The following LHFPL3 variants were observed in gnomAD, a reference collection of about 807,000 sequenced individuals.
LHFPL3 encodes LHFPL tetraspan subfamily member 3.
Under a neutral mutation model 19.3 loss-of-function variants are expected in LHFPL3, and 5 were observed. That is an observed-to-expected ratio of 0.26 (90% CI 0.14 to 0.54). LHFPL3 has a LOEUF of 0.54. Among genes scored for constraint, LHFPL3 ranks in the 20% least tolerant of loss-of-function variants. LHFPL3 has a pLI of 0.94. For missense variants in LHFPL3, 249 were observed against 307.4 expected (o/e 0.81, Z 1.42); for synonymous variants, 133 against 126.2 (o/e 1.05, Z -0.36).
intron 2 of LHFPL3, among the ~76,000 whole-genome samples, chr7:104,888,498 C>A (rs766995561): frequency 9.9e-5 from 15 of 152,198 alleles, no homozygotes; most frequent in Non-Finnish European, 1.9e-4. Flanking sequence ...CCACTGCACT[C>A]CTGCCAGGGT....
intron 1 of LHFPL3, among the ~76,000 whole-genome samples, chr7:104,561,192 T>A (rs1285777659): frequency 2.6e-5 from 4 of 151,692 alleles, no homozygotes; most frequent in Non-Finnish European, 5.9e-5. Flanking sequence ...TAATTGTCTA[T>A]TAGGTCCGCT....
At chr7:104,369,869 T>C (rs1385888284) in intron 1 of LHFPL3, among the ~76,000 whole-genome samples, 2 of 152,224 alleles carry the variant, frequency 1.3e-5, no homozygotes, top group Non-Finnish European at 2.9e-5. Flanking sequence ...TGGCTTATTT[T>C]TGAGTTATAA....
chr7:104,349,468 G>A (rs1037700387), intron 1 of LHFPL3, among the ~76,000 whole-genome samples: 1 of 152,190 alleles, frequency 6.6e-6, no homozygotes, highest in African/African-American at 2.4e-5. Flanking sequence ...ATACAAGGGA[G>A]CCCTTTTATG....
chr7:104,732,398 C>T (rs1793721873), intron 1 of LHFPL3, among the ~76,000 whole-genome samples: 1 of 152,168 alleles, frequency 6.6e-6, no homozygotes. Context: ...GCCTCAATGA[C>T]AGAGCCTGTT....
intron 2 of LHFPL3, chr7:104,759,640 C>T (rs1403491804): frequency 1.3e-5 from 2 of 152,072 alleles, no homozygotes; most frequent in Admixed American, 6.6e-5. Flanking sequence ...CAACTTTCAC[C>T]GAGTAATGTC....
At chr7:104,593,500 A>T (rs1790771667) in intron 1 of LHFPL3, among the ~76,000 whole-genome samples, 1 of 152,142 alleles carries the variant, frequency 6.6e-6, no homozygotes, top group South Asian at 2.1e-4. Context: ...TGGTGCCGAG[A>T]AGAATGTATA....
At chr7:104,524,442 G>A (rs1031088850) in intron 1 of LHFPL3, among the ~76,000 whole-genome samples, 2 of 152,076 alleles carry the variant, frequency 1.3e-5, no homozygotes, top group Non-Finnish European at 2.9e-5. Context: ...CAAGTGGACC[G>A]GCTGGTACTA....
intron 2 of LHFPL3, chr7:104,743,994 C>T (rs1339799242): frequency 6.6e-6 from 1 of 151,788 alleles, no homozygotes; most frequent in Admixed American, 6.6e-5. Flanking sequence ...CACACCACCA[C>T]ACCCTGCAAA....
chr7:104,879,913 G>T (rs78757293), intron 2 of LHFPL3, among the ~76,000 whole-genome samples: 1 of 152,162 alleles, frequency 6.6e-6, no homozygotes, highest in Non-Finnish European at 1.5e-5. Context: ...GCTTCAAAGA[G>T]CCAGGTGTGA....
intron 2 of LHFPL3, among the ~76,000 whole-genome samples, chr7:104,886,516 C>T (rs987672422): frequency 5.9e-5 from 9 of 152,108 alleles, no homozygotes; most frequent in African/African-American, 2.2e-4. Context: ...AGGCGCCCAC[C>T]ACCACACCTG....
rs181794213 is a variant in LHFPL3, at chr7:104,833,945, T to C, written c.683-72242T>C. On this transcript the variant is annotated intron_variant, in intron 2 of 2. Transcript: ENST00000424859. ...CTTACATGATCACAAGTTCCCACAATAGGCTGTCTGCAAGCTTGAGGAGTA... is the reference window on the plus strand; with the variant it reads ...CTTACATGATCACAAGTTCCCACAACAGGCTGTCTGCAAGCTTGAGGAGTA... Among the ~76,000 whole-genome samples the C allele has an allele frequency of 9.3e-4, 124 of 133,868 alleles. 3 individuals are homozygous for C. Among genetic ancestry groups the C allele is most frequent in the East Asian group, 3.6e-3 (15 of 4,160 alleles). The allele number at this position is 133,868 out of a possible 152,430, so 87.8% of individuals were successfully genotyped here.
intron 1 of LHFPL3, among the ~76,000 whole-genome samples, chr7:104,650,490 G>A (rs573844374): frequency 6.6e-6 from 1 of 152,294 alleles, no homozygotes; most frequent in African/African-American, 2.4e-5. Flanking sequence ...CTTAATGAAT[G>A]AGGAATATTA....
chr7:104,422,842 G>A (rs1275624148), intron 1 of LHFPL3, among the ~76,000 whole-genome samples: 4 of 152,198 alleles, frequency 2.6e-5, no homozygotes, highest in Admixed American at 1.3e-4. Flanking sequence ...CATATATTGG[G>A]AATTCAGAGA....
intron 2 of LHFPL3, among the ~76,000 whole-genome samples, chr7:104,905,032 C>T (rs935378542): frequency 6.6e-6 from 1 of 151,996 alleles, no homozygotes; most frequent in Non-Finnish European, 1.5e-5. Context: ...CTTTGCTCAC[C>T]ACAACCTCGA....
At chr7:104,825,823 G>A (rs1790806713) in intron 2 of LHFPL3, among the ~76,000 whole-genome samples, 1 of 151,830 alleles carries the variant, frequency 6.6e-6, no homozygotes. Flanking sequence ...GAAGAGGGAA[G>A]GAGAAAAAGC....
At chr7:104,783,329 T>C (rs994503176) in intron 2 of LHFPL3, among the ~76,000 whole-genome samples, 6 of 152,244 alleles carry the variant, frequency 3.9e-5, no homozygotes, top group Non-Finnish European at 4.4e-5. Context: ...TCTCACAGTA[T>C]AGTACAAATG....
intron 1 of LHFPL3, among the ~76,000 whole-genome samples, chr7:104,382,362 C>T (rs983239942): frequency 6.6e-6 from 1 of 152,162 alleles, no homozygotes; most frequent in South Asian, 2.1e-4. Context: ...GTGGCGCATG[C>T]CTGTAATCCC....
rs186890013 is a variant in LHFPL3 at position 104,366,201 on chromosome 7, G to A, written c.445+36977G>A. Among the ~76,000 whole-genome samples the A allele has an allele frequency of 8.7e-4, 132 of 152,274 alleles. 1 individual carries two copies. Among genetic ancestry groups the A allele is most frequent in the African/African-American group, 3.0e-3 (124 of 41,548 alleles). ...GTTTTGGACACTCAGAGAACACTGA[G>A]GGTAAAACAGTGCTCAATAAAGATG... is the stretch of plus-strand genomic sequence containing the variant. On this transcript the variant is annotated intron_variant, in intron 1 of 2. Transcript: ENST00000424859.
At chr7:104,683,314 G>GT (rs1441157451) in intron 1 of LHFPL3, among the ~76,000 whole-genome samples, 1 of 152,148 alleles carries the variant, frequency 6.6e-6, no homozygotes, top group Non-Finnish European at 1.5e-5. Flanking sequence ...TAACCTGTTG[G>GT]TTTTTTTGTT....
Sources: allele counts gnomAD v4.1 joint callset (sites outside exome capture counted in the v4.1 genomes callset), GRCh38; gene constraint gnomAD v4.1.1; transcripts MANE v1.5; gene names NCBI Gene and HGNC (gene_info 2026-07-23, HGNC 2026-07-21).